Variants in MYO7A observed in about 807,000 individuals in gnomAD.
MYO7A encodes the protein unconventional myosin-VIIa.
Under a neutral mutation model 263.8 loss-of-function variants are expected in MYO7A, and 210 were observed. The observed-to-expected ratio is 0.80, with a 90% CI of 0.71 to 0.89. The LOEUF is 0.89. MYO7A is among the 40% of genes least tolerant of loss of function. The probability of loss-of-function intolerance (pLI) is 0.00; values close to 1 mark genes in which losing one functional copy is unlikely to be tolerated. For missense variants in MYO7A, 2,820 were observed against 2,968.3 expected, an observed-to-expected ratio of 0.95 and a Z score of 1.16; for synonymous variants, 1,239 against 1,197.3, an observed-to-expected ratio of 1.03 and a Z score of -0.72.
intron 5 of MYO7A, 85 bp downstream of exon 5, chr11:77,156,176 G>T: frequency 6.9e-7 from 1 of 1,457,122 alleles, no homozygotes; most frequent in Non-Finnish European, 9.3e-7. Flanking sequence ...TCTAGGAATT[G>T]CCCCCGCTGT....
At chr11:77,196,039 C>T (rs773320115) in intron 32 of MYO7A, among the ~76,000 whole-genome samples, 1 of 152,202 alleles carries the variant, frequency 6.6e-6, no homozygotes, top group Non-Finnish European at 1.5e-5. Context: ...TGGATTACAG[C>T]CCACCCAAGA....
chr11:77,177,572 A>T lies in MYO7A; in HGVS notation c.2211A>T (p.Glu737Asp). The T allele has an allele frequency of 6.2e-7, 1 of 1,611,826 alleles. No homozygotes were observed. ...FLKDHHDMLL[E>D]VERDKAITDR... The stretch of plus-strand genomic sequence containing the variant: ...AGGACCACCATGACATGCTGCTGGA[A>T]GTGGAGCGGGACAAAGCCATCACCG... Residue 737 changes from glutamate to aspartate, a missense_variant, in exon 19 of 49, where the codon GAA (glutamate) becomes GAT (aspartate). Coordinates refer to ENST00000409709, the MANE Select transcript of MYO7A (RefSeq NM_000260.4).
At chr11:77,190,586 C>CCTGGGGTG in intron 29 of MYO7A, 111 bp from the exon 30 acceptor site, 1 of 1,249,196 alleles carries the variant, frequency 8.0e-7, no homozygotes. Context: ...GGTACTGGGG[C>CCTGGGGTG]CTGGGGTGCT....
intron 14 of MYO7A, among the ~76,000 whole-genome samples, chr11:77,164,754 GA>G (rs1953375668): frequency 6.6e-6 from 1 of 152,222 alleles, no homozygotes; most frequent in Non-Finnish European, 1.5e-5. Context: ...ATACAGAAGT[GA>G]AAATTGAATA....
intron 3 of MYO7A, among the ~76,000 whole-genome samples, chr11:77,146,179 C>T (rs1213635129): frequency 1.3e-5 from 2 of 152,176 alleles, no homozygotes; most frequent in Non-Finnish European, 2.9e-5. Flanking sequence ...AACAGTGGAG[C>T]GAAGTCACAG....
chr11:77,214,849 G>A lies in MYO7A; in HGVS notation c.*153G>A, dbSNP rs1958054037. 1.6e-6 allele frequency: 1 copy of A among 613,668 alleles called. No individual in the cohort carries two copies. The highest frequency in any genetic ancestry group is 2.9e-5 in the Admixed American group (1 of 34,314). The allele number at this position is 613,668 out of a possible 1,614,324, so 38.0% of individuals were successfully genotyped here. Reference sequence around the variant, plus strand: ...CACTGACTATACCAACTGGGCCTCTGATGTTCTTCCAGTGAGGCATCTCTC... The same window carrying A: ...CACTGACTATACCAACTGGGCCTCTAATGTTCTTCCAGTGAGGCATCTCTC... On this transcript the variant is annotated 3_prime_UTR_variant, in exon 49 of 49. Coordinates refer to ENST00000409709, the MANE Select transcript of MYO7A (RefSeq NM_000260.4).
intron 5 of MYO7A, 54 bp downstream of exon 5, chr11:77,156,145 C>A: frequency 6.3e-7 from 1 of 1,576,720 alleles, no homozygotes. Flanking sequence ...AGAGCTCCAA[C>A]TGTGCGCTCC....
chr11:77,181,993 G>A lies in MYO7A; in HGVS notation c.2947G>A (p.Asp983Asn). ...GAGGGAGATGGTGGAGGAGGACCTG[G>A]ATGCAGCCCTGCCCCTGCCTGACGA... ...GRREMVEEDL[D>N]AALPLPDEDE... The change falls in exon 24 of 49, where the codon GAT (aspartate) becomes AAT (asparagine). Residue 983 changes from aspartate (D) to asparagine (N), a missense_variant. Physicochemically the swap from Asp to Asn is conservative, Grantham distance 23. Coordinates refer to ENST00000409709, the MANE Select transcript of MYO7A (RefSeq NM_000260.4). 1.2e-6 allele frequency: 2 copies of A among 1,613,264 alleles called. No homozygotes were observed. The highest frequency in any genetic ancestry group is 1.1e-5 in the South Asian group (1 of 91,056).
chr11:77,136,235 G>A (rs190649300), intron 2 of MYO7A, among the ~76,000 whole-genome samples: 16 of 152,142 alleles, frequency 1.1e-4, no homozygotes, highest in Non-Finnish European at 2.1e-4. Flanking sequence ...TCTGGCCGCC[G>A]TGGTTTCTGA....
intron 2 of MYO7A, among the ~76,000 whole-genome samples, chr11:77,131,277 AGGGCTTGTGGGGCTGTGCATTATGG>A (rs1293407681): frequency 6.6e-6 from 1 of 152,206 alleles, no homozygotes; most frequent in Non-Finnish European, 1.5e-5. Context: ...AGCAGGCCGT[AGGGCTTGTGGGGCTGTGCATTATGG>A]GGGCTTGGCC....
Position 77,175,358 on chromosome 11 carries a change from C to A in MYO7A, c.2095-14C>A. On this transcript the variant is annotated splice_polypyrimidine_tract_variant and intron_variant, in intron 17 of 48. Coordinates refer to ENST00000409709, the MANE Select transcript of MYO7A (RefSeq NM_000260.4). ...AGGCTGTCCATTCCCTTGTGTTCCC[C>A]ATCCTCACTCCAGGGCGACCTCCGC... is the stretch of plus-strand genomic sequence containing the variant. The A allele has an allele frequency of 6.2e-7, 1 of 1,612,014 alleles. No homozygotes were observed. Among genetic ancestry groups the A allele is most frequent in the Non-Finnish European group, 8.5e-7 (1 of 1,179,156 alleles).
Position 77,174,815 on chromosome 11 carries a change from C to T in MYO7A, c.1995C>T (p.Ile665=). Residue 665 remains isoleucine (I), a synonymous_variant, in exon 17 of 49, where the codon ATC becomes ATT. Transcript: ENST00000409709. The part of the protein sequence containing the change: ...QLRYSGMMET[I]RIRRAGYPIR... Reference sequence around the variant, plus strand: ...GGTACTCAGGAATGATGGAGACCATCCGAATCCGCCGAGCTGGCTACCCCA... The same window carrying T: ...GGTACTCAGGAATGATGGAGACCATTCGAATCCGCCGAGCTGGCTACCCCA... 1 of 1,612,844 alleles carries T rather than the reference C, an allele frequency of 6.2e-7. No individual in the cohort carries two copies. The highest frequency in any genetic ancestry group is 8.5e-7 in the Non-Finnish European group (1 of 1,179,646).
At chr11:77,152,630 C>T (rs1417973887) in intron 4 of MYO7A, among the ~76,000 whole-genome samples, 9 of 152,026 alleles carry the variant, frequency 5.9e-5, no homozygotes, top group Admixed American at 1.3e-4. Flanking sequence ...TGTACTTCCC[C>T]GCCCATTGAT....
Position 77,196,139 on chromosome 11 carries a change from C to T in MYO7A, c.4324-1342C>T, listed in dbSNP as rs139047432. On this transcript the variant is annotated intron_variant, in intron 32 of 48. Coordinates refer to ENST00000409709, the MANE Select transcript of MYO7A (RefSeq NM_000260.4). ...ATCCCAGCACTTTGGGAGGCCAAGG[C>T]GGGCGGATCATGAGGTCAGGAGTTT... Among the ~76,000 whole-genome samples, 474 of 152,298 alleles carry T rather than the reference C, an allele frequency of 3.1e-3. 2 individuals carry two copies. Among genetic ancestry groups the T allele is most frequent in the African/African-American group, 9.8e-3 (406 of 41,570 alleles).
intron 46 of MYO7A, chr11:77,212,301 C>T (rs1957945035): frequency 2.5e-6 from 1 of 408,152 alleles, no homozygotes; most frequent in African/African-American, 2.1e-5. Context: ...TCCAGGCAGA[C>T]CCTGGAAAGA....
At chr11:77,174,311 G>C (rs1183592240) in intron 16 of MYO7A, among the ~76,000 whole-genome samples, 1 of 152,170 alleles carries the variant, frequency 6.6e-6, no homozygotes, top group Non-Finnish European at 1.5e-5. Context: ...CCCTGGGGCT[G>C]TGCAGAGCAC....
intron 35 of MYO7A, among the ~76,000 whole-genome samples, chr11:77,201,053 C>T (rs536934988): frequency 5.3e-5 from 8 of 152,334 alleles, no homozygotes; most frequent in African/African-American, 1.9e-4. Context: ...GGAGGAAGCC[C>T]GTGTGACCAG....
chr11:77,163,949 C>T (rs182149626), intron 14 of MYO7A, among the ~76,000 whole-genome samples: 74 of 152,196 alleles, frequency 4.9e-4, no homozygotes, highest in African/African-American at 1.7e-3. Flanking sequence ...TGCTTGTTTG[C>T]ACATTTAGGG....
intron 32 of MYO7A, among the ~76,000 whole-genome samples, chr11:77,196,487 G>C (rs921521696): frequency 6.6e-6 from 1 of 152,122 alleles, no homozygotes; most frequent in African/African-American, 2.4e-5. Context: ...GTCCATAACA[G>C]GTGTTTTGAA....
Sources: gnomAD v4.1 joint callset for allele counts (sites outside exome capture counted in the v4.1 genomes callset) on GRCh38, gnomAD v4.1.1 for gene constraint, MANE v1.5 for transcripts, NCBI Gene and HGNC (gene_info 2026-07-23, HGNC 2026-07-21) for gene names.